Variants in MGAT4A observed in about 807,000 individuals in gnomAD.
The protein encoded by MGAT4A is N-acetylglucosaminyltransferase IVa.
Under a neutral mutation model 74.1 loss-of-function variants are expected in MGAT4A, and 33 were observed. The observed-to-expected ratio is 0.45, with a 90% CI of 0.34 to 0.60. MGAT4A has a LOEUF of 0.60. Ranked by LOEUF, MGAT4A falls within the 20% of genes least tolerant of loss-of-function variation. The pLI is 0.02. For missense variants in MGAT4A, 479 were observed against 628.3 expected, an observed-to-expected ratio of 0.76 and a Z score of 2.54; for synonymous variants, 198 against 210.4, an observed-to-expected ratio of 0.94 and a Z score of 0.51.
intron 6 of MGAT4A, among the ~76,000 whole-genome samples, chr2:98,657,644 A>C (rs1200229926): frequency 6.6e-6 from 1 of 152,186 alleles, no homozygotes; most frequent in Admixed American, 6.5e-5. Flanking sequence ...GGGACAAAAA[A>C]CAGATACAAT....
chr2:98,665,283 C>A (rs1461121524), intron 4 of MGAT4A, among the ~76,000 whole-genome samples: 1 of 148,766 alleles, frequency 6.7e-6, no homozygotes, highest in African/African-American at 2.5e-5. Flanking sequence ...GAGTCAAGAT[C>A]GCGCCACTGC....
chr2:98,663,457 A>G, intron 4 of MGAT4A: 1 of 1,466,674 alleles, frequency 6.8e-7, no homozygotes, highest in Non-Finnish European at 9.0e-7. Flanking sequence ...ATAAACAGCA[A>G]ACTGTATTTT....
At position 98,622,949 on chromosome 2, in the gene MGAT4A, T is replaced by C; in HGVS notation, c.*2617A>G. The C allele has an allele frequency of 1.0e-6, 1 of 982,618 alleles. No homozygotes were observed. 60.9% of individuals were successfully genotyped at this position (982,618 alleles called of 1,614,324 possible). The stretch of plus-strand genomic sequence containing the variant: ...CAGGAGGATTGCTTGAGGCCAGAGA[T>C]CGAGGCTGCAGTGAGCTATGAGAGC... On this transcript the variant is annotated 3_prime_UTR_variant, in exon 16 of 16. Coordinates refer to ENST00000393487, the MANE Select transcript of MGAT4A (RefSeq NM_012214.3).
intron 2 of MGAT4A, among the ~76,000 whole-genome samples, chr2:98,706,155 T>TA (rs1242004536): frequency 6.6e-6 from 1 of 152,078 alleles, no homozygotes; most frequent in African/African-American, 2.4e-5. Flanking sequence ...TTCTACTCTT[T>TA]TATGTCATGA....
At position 98,706,777 on chromosome 2, in the gene MGAT4A, T is replaced by C. The variant is rs1203100255; in HGVS notation, c.94+19462A>G. On this transcript the variant is annotated intron_variant, in intron 2 of 15. Transcript: ENST00000393487. ...ACATCCATAAATCAACATATAAAAA[T>C]GCATTACAGGAGTACACAACATGAT... Among the ~76,000 whole-genome samples the C allele has an allele frequency of 3.3e-5, 5 of 151,224 alleles. No individual in the cohort carries two copies. The South Asian group carries it at 1.0e-3, about 31-fold the overall frequency.
chr2:98,627,619 AC>A (rs1259407950), intron 14 of MGAT4A, among the ~76,000 whole-genome samples: 1 of 152,136 alleles, frequency 6.6e-6, no homozygotes, highest in African/African-American at 2.4e-5. Context: ...CAAGTGATCC[AC>A]CTGCCTCGGC....
chr2:98,645,407 T>C lies in MGAT4A; in HGVS notation c.889+21A>G, dbSNP rs774744038. On this transcript the variant is annotated intron_variant, in intron 9 of 15. Coordinates refer to ENST00000393487, the MANE Select transcript of MGAT4A (RefSeq NM_012214.3). ...GTCACAGTTATTTATGAAAAGTAGG[T>C]AAGTGTGACACTTTTCTTACCAATG... 6.1e-6 allele frequency: 9 copies of C among 1,473,226 alleles called. No homozygotes were observed. In the South Asian group the frequency reaches 1.2e-4, roughly 19 times the overall value. The allele number at this position is 1,473,226 out of a possible 1,614,324, so 91.3% of individuals were successfully genotyped here.
At chr2:98,628,563 A>T (rs1701179802) in intron 14 of MGAT4A, among the ~76,000 whole-genome samples, 2 of 152,306 alleles carry the variant, frequency 1.3e-5, no homozygotes, top group South Asian at 2.1e-4. Flanking sequence ...GAGATATTCC[A>T]TTCTAAAGTT....
intron 14 of MGAT4A, among the ~76,000 whole-genome samples, chr2:98,632,215 A>T (rs537039816): frequency 6.6e-6 from 1 of 152,266 alleles, no homozygotes; most frequent in East Asian, 1.9e-4. Context: ...ACCCTGTAAC[A>T]CGCGCCCACT....
chr2:98,724,699 G>C (rs1702735417), intron 2 of MGAT4A, among the ~76,000 whole-genome samples: 1 of 151,750 alleles, frequency 6.6e-6, no homozygotes, highest in Admixed American at 6.6e-5. Flanking sequence ...ATTAAATGGA[G>C]ATTCCAAGAC....
chr2:98,645,493 T>C lies in MGAT4A; in HGVS notation c.824A>G (p.Asn275Ser), dbSNP rs1456540754. 1 of 1,592,916 alleles carries C rather than the reference T, an allele frequency of 6.3e-7. No homozygotes were observed. Among genetic ancestry groups the C allele is most frequent in the Non-Finnish European group, 8.5e-7 (1 of 1,174,936 alleles). Reference protein sequence around the residue: ...VKQNYFNTIKNFALQLSSEEW... With the variant: ...VKQNYFNTIKSFALQLSSEEW... ...CTCAGAAGAAAGTTGAAGTGCAAAA[T>C]TTTTTATGGTATTAAAATAATTTTG... The change falls in exon 9 of 16, where the codon AAT becomes AGT. Residue 275 changes from asparagine (N) to serine (S), a missense_variant. This residue lies in a region of MGAT4A where 38 missense variants were observed against 87.4 expected (regional missense o/e 0.43). Coordinates refer to ENST00000393487, the MANE Select transcript of MGAT4A (RefSeq NM_012214.3).
chr2:98,665,130 C>T (rs1022189634), intron 4 of MGAT4A, among the ~76,000 whole-genome samples: 6 of 151,960 alleles, frequency 3.9e-5, no homozygotes, highest in Admixed American at 3.9e-4. Flanking sequence ...GAGATCGAGA[C>T]CATCCTGGCT....
intron 2 of MGAT4A, among the ~76,000 whole-genome samples, chr2:98,700,012 G>A (rs1024670652): frequency 2.6e-5 from 4 of 152,098 alleles, no homozygotes; most frequent in Admixed American, 2.0e-4. Context: ...AACATCTGAC[G>A]GGGTTAGTGA....
rs1393074359 is a variant in MGAT4A, at chr2:98,621,674, C to T, written c.*3892G>A. ...AGTAGGGGTCATTCTTAGAAATTTG[C>T]CTACCACAAATATACACTGTTATTC... On this transcript the variant is annotated 3_prime_UTR_variant, in exon 16 of 16. Coordinates refer to ENST00000393487, the MANE Select transcript of MGAT4A (RefSeq NM_012214.3). The T allele has an allele frequency of 2.1e-6, 3 of 1,424,770 alleles. No homozygotes were observed. Among genetic ancestry groups the T allele is most frequent in the African/African-American group, 1.4e-5 (1 of 68,974 alleles). 88.3% of individuals were successfully genotyped at this position (1,424,770 alleles called of 1,614,324 possible).
intron 4 of MGAT4A, among the ~76,000 whole-genome samples, chr2:98,666,842 C>T (rs1701838546): frequency 6.6e-6 from 1 of 152,194 alleles, no homozygotes; most frequent in African/African-American, 2.4e-5. Context: ...AGTCACAATG[C>T]AAATTCTCTA....
chr2:98,718,477 T>C (rs1702619896), intron 2 of MGAT4A, among the ~76,000 whole-genome samples: 1 of 152,302 alleles, frequency 6.6e-6, no homozygotes, highest in Admixed American at 6.5e-5. Context: ...AGAAAATCTA[T>C]AAAAATTCAG....
At chr2:98,667,730 T>C (rs1314919149) in intron 4 of MGAT4A, among the ~76,000 whole-genome samples, 1 of 151,940 alleles carries the variant, frequency 6.6e-6, no homozygotes, top group Non-Finnish European at 1.5e-5. Context: ...GTTGTTGTTG[T>C]TGTTTTGAGA....
At chr2:98,664,028 G>A (rs896332398) in intron 4 of MGAT4A, among the ~76,000 whole-genome samples, 1 of 151,782 alleles carries the variant, frequency 6.6e-6, no homozygotes, top group Non-Finnish European at 1.5e-5. Context: ...CCAACATGGC[G>A]AAACCCGGTC....
chr2:98,648,491 A>G (rs1701527514), intron 8 of MGAT4A, among the ~76,000 whole-genome samples: 1 of 151,758 alleles, frequency 6.6e-6, no homozygotes, highest in African/African-American at 2.4e-5. Context: ...GAGGGAGACT[A>G]TGTCTCGAAC....
Sources: allele counts gnomAD v4.1 joint callset (sites outside exome capture counted in the v4.1 genomes callset), GRCh38; gene constraint gnomAD v4.1.1; regional missense constraint gnomAD v4.1.1; transcripts MANE v1.5; gene names NCBI Gene and HGNC (gene_info 2026-07-23, HGNC 2026-07-21).